Variants in NLK observed in about 807,000 individuals in gnomAD.
NLK encodes the protein serine/threonine-protein kinase NLK.
A neutral mutation model predicts 59.0 loss-of-function variants in NLK; 11 were observed. That is an observed-to-expected ratio of 0.19 (90% CI 0.12 to 0.31). The LOEUF is 0.31. NLK is among the 10% of genes least tolerant of loss of function. The pLI is 1.00. For synonymous variants in NLK, 235 were observed against 235.9 expected, an observed-to-expected ratio of 1.00 and a Z score of 0.03; for missense variants, 410 against 661.1, an observed-to-expected ratio of 0.62 and a Z score of 4.16.
In NLK at chr17:28,168,386, G is replaced by GT. The variant is rs1332170465; in HGVS notation, c.838-58dup. The GT allele has an allele frequency of 2.2e-5, 28 of 1,250,634 alleles. No homozygotes were observed. The Middle Eastern group carries it at 9.4e-4, about 42-fold the overall frequency. 77.5% of individuals were successfully genotyped at this position (1,250,634 alleles called of 1,614,324 possible). The stretch of plus-strand genomic sequence containing the variant: ...TTCAGTGCCCTATCAAAATTTTGAT[G>GT]TTTTGTTTTACTCTTTCATTTGTAT... On this transcript the variant is annotated intron_variant, in intron 5 of 10. Transcript: ENST00000407008.
At chr17:28,160,669 CTT>C (rs1210777954) in intron 3 of NLK, among the ~76,000 whole-genome samples, 1 of 152,132 alleles carries the variant, frequency 6.6e-6, no homozygotes, top group Non-Finnish European at 1.5e-5. Context: ...TGTGGAGAGA[CTT>C]AACTAATTAT....
chr17:28,079,480 C>T (rs1910271462), intron 1 of NLK, among the ~76,000 whole-genome samples: 1 of 152,178 alleles, frequency 6.6e-6, no homozygotes, highest in Admixed American at 6.5e-5. Flanking sequence ...TTCGCACCAG[C>T]AGTATACATG....
chr17:28,156,227 A>G (rs1016635070), intron 3 of NLK, among the ~76,000 whole-genome samples: 1 of 152,110 alleles, frequency 6.6e-6, no homozygotes, highest in Non-Finnish European at 1.5e-5. Flanking sequence ...AATATTAATC[A>G]TTTTGCCAAT....
At chr17:28,119,256 C>T (rs991844512) in intron 1 of NLK, among the ~76,000 whole-genome samples, 1 of 152,156 alleles carries the variant, frequency 6.6e-6, no homozygotes, top group African/African-American at 2.4e-5. Flanking sequence ...AGAACAAACT[C>T]AACATGGCGT....
At chr17:28,069,068 C>G (rs1275065393) in intron 1 of NLK, among the ~76,000 whole-genome samples, 1 of 152,186 alleles carries the variant, frequency 6.6e-6, no homozygotes, top group African/African-American at 2.4e-5. Flanking sequence ...GTAAATTCTA[C>G]CATGCATCCC....
At position 28,042,936 on chromosome 17, in the gene NLK, TGCA is replaced by T. The variant is rs767669224; in HGVS notation, c.74_76del (p.Ala25del). The T allele has an allele frequency of 1.1e-5, 17 of 1,549,916 alleles. No individual in the cohort carries two copies. The highest frequency in any genetic ancestry group is 4.9e-5 in the East Asian group (2 of 41,144). On this transcript the variant is annotated inframe_deletion, in exon 1 of 11. Transcript: ENST00000407008. Reference sequence around the variant, plus strand: ...TGGCGGCTTACAATGGCGGTACATCTGCAGCAGCAGCAGGTCACCACCACCACC... The same window carrying T: ...TGGCGGCTTACAATGGCGGTACATCTGCAGCAGCAGGTCACCACCACCACC...
chr17:28,172,853 C>T (rs1211542388), intron 7 of NLK, among the ~76,000 whole-genome samples: 1 of 152,020 alleles, frequency 6.6e-6, no homozygotes, highest in Admixed American at 6.6e-5. Context: ...AATAGATGAC[C>T]CTTGGCTTTG....
At chr17:28,077,069 C>CTTTTT (rs1910184017) in intron 1 of NLK, among the ~76,000 whole-genome samples, 1 of 68,590 alleles carries the variant, frequency 1.5e-5, no homozygotes, top group African/African-American at 5.5e-5. Flanking sequence ...ACTTCTCTTT[C>CTTTTT]TTTCTTTTTT....
intron 9 of NLK, among the ~76,000 whole-genome samples, chr17:28,191,703 G>C (rs1478711111): frequency 6.6e-6 from 1 of 152,110 alleles, no homozygotes; most frequent in Non-Finnish European, 1.5e-5. Context: ...GTCTACTGTA[G>C]GACATTTTAC....
chr17:28,199,656 ACT>A (rs765510075), downstream of NLK, among the ~76,000 whole-genome samples: 21 of 120,702 alleles, frequency 1.7e-4, no homozygotes, highest in Non-Finnish European at 2.6e-4. Context: ...ACAGAGTGAG[ACT>A]CTGTCTCAAA....
chr17:28,146,675 C>A (rs908165346), intron 3 of NLK, among the ~76,000 whole-genome samples: 1 of 152,170 alleles, frequency 6.6e-6, no homozygotes, highest in African/African-American at 2.4e-5. Context: ...CTGTTAACTC[C>A]TTATTTTAAA....
At chr17:28,170,641 A>C (rs1207599258) in intron 6 of NLK, among the ~76,000 whole-genome samples, 1 of 152,240 alleles carries the variant, frequency 6.6e-6, no homozygotes, top group Non-Finnish European at 1.5e-5. Context: ...CTGTAAGACT[A>C]TCATATCTGG....
intron 1 of NLK, among the ~76,000 whole-genome samples, chr17:28,073,802 T>C (rs1234554080): frequency 6.6e-6 from 1 of 152,232 alleles, no homozygotes; most frequent in East Asian, 1.9e-4. Context: ...ATTACTCTTT[T>C]ACGTTTGTTT....
rs765717442 is a variant in NLK at position 28,191,211 on chromosome 17, A to G, written c.1427A>G (p.Gln476Arg). 1.3e-5 allele frequency: 21 copies of G among 1,604,988 alleles called. No homozygotes were observed. Among genetic ancestry groups the G allele is most frequent in the Admixed American group, 1.7e-5 (1 of 57,780 alleles). ...TFEKNLSSVR[Q>R]VKEIIHQFIL... ...GAGAAGAACCTCAGTTCTGTCCGACAGGTTAAAGGTGAGTATCTGTTTTGG... is the reference window on the plus strand; with the variant it reads ...GAGAAGAACCTCAGTTCTGTCCGACGGGTTAAAGGTGAGTATCTGTTTTGG... The change falls in exon 9 of 11, where the codon CAG becomes CGG. Residue 476 changes from glutamine to arginine, a missense_variant. By Grantham distance (43) the Gln-to-Arg change is conservative. This residue lies in a region of NLK where 150 missense variants were observed against 244.3 expected (regional missense o/e 0.61). Coordinates refer to ENST00000407008, the MANE Select transcript of NLK (RefSeq NM_016231.5).
chr17:28,152,946 AT>A (rs1335907091), intron 3 of NLK, among the ~76,000 whole-genome samples: 3 of 150,974 alleles, frequency 2.0e-5, no homozygotes, highest in Non-Finnish European at 4.4e-5. Flanking sequence ...GGATTTTTTT[AT>A]TTTTTATTTT....
At chr17:28,198,739 T>C (rs996891982), downstream of NLK, among the ~76,000 whole-genome samples, 2 of 152,216 alleles carry the variant, frequency 1.3e-5, no homozygotes, top group Admixed American at 1.3e-4. Flanking sequence ...GATATTAATG[T>C]GGTGCAATAT....
intron 1 of NLK, among the ~76,000 whole-genome samples, chr17:28,063,995 A>G (rs1909748398): frequency 6.6e-6 from 1 of 152,140 alleles, no homozygotes; most frequent in Non-Finnish European, 1.5e-5. Flanking sequence ...CAGGTTTGAG[A>G]TGTCAAAATA....
At chr17:28,164,753 A>C (rs942072788) in intron 5 of NLK, among the ~76,000 whole-genome samples, 3 of 152,332 alleles carry the variant, frequency 2.0e-5, no homozygotes. Flanking sequence ...AATTTTTAAA[A>C]TGTTACCCAC....
chr17:28,155,847 C>T (rs906613213), intron 3 of NLK, among the ~76,000 whole-genome samples: 6 of 151,960 alleles, frequency 3.9e-5, no homozygotes, highest in South Asian at 4.2e-4. Flanking sequence ...ATTTGATGGG[C>T]GCAGCAAACC....
Sources: gnomAD v4.1 joint callset for allele counts (sites outside exome capture counted in the v4.1 genomes callset) on GRCh38, gnomAD v4.1.1 for gene constraint, gnomAD v4.1.1 regional missense constraint, MANE v1.5 for transcripts, NCBI Gene and HGNC (gene_info 2026-07-23, HGNC 2026-07-21) for gene names.